The following MFSD12 variants were observed in gnomAD, a reference collection of about 807,000 sequenced individuals.
MFSD12 encodes major facilitator superfamily domain containing 12.
A neutral mutation model predicts 51.2 loss-of-function variants in MFSD12; 67 were observed. That is an observed-to-expected ratio of 1.31 (90% CI 1.08 to 1.60). The LOEUF is 1.60. Among genes scored for constraint, MFSD12 ranks in the 40% most tolerant of loss-of-function variants. MFSD12 has a pLI of 0.00. For missense variants in MFSD12, 921 were observed against 673.0 expected (o/e 1.37, Z -4.08); for synonymous variants, 441 against 316.7 (o/e 1.39, Z -4.17).
chr19:3,544,263 A>G lies in MFSD12; in HGVS notation c.*447T>C. 7.6e-7 allele frequency: 1 copy of G among 1,310,402 alleles called. No homozygotes were observed. The highest frequency in any genetic ancestry group is 3.7e-5 in the Admixed American group (1 of 27,366). The allele number at this position is 1,310,402 out of a possible 1,614,324, so 81.2% of individuals were successfully genotyped here. A position where few individuals can be genotyped will look rare whatever the true frequency, so the allele number is the denominator to read the frequency against. ...AGCCTGCCGGGCAGCCCTGCTGCCC[A>G]CCACGGTGGGGTCCAGGCCCAGCCC... On this transcript the variant is annotated 3_prime_UTR_variant, in exon 10 of 10. Coordinates refer to ENST00000355415, the MANE Select transcript of MFSD12 (RefSeq NM_174983.5).
chr19:3,543,525 G>A (rs933330145), downstream of MFSD12: 47 of 1,510,436 alleles, frequency 3.1e-5, 1 homozygote, highest in African/African-American at 4.3e-5. Context: ...AGGGGGACAG[G>A]AATGACCGCC....
In MFSD12 at chr19:3,546,404, G is replaced by C. The variant is rs1249915937; in HGVS notation, c.1045C>G (p.Leu349Val). The C allele has an allele frequency of 7.5e-6, 12 of 1,607,300 alleles. No homozygotes were observed. The highest frequency in any genetic ancestry group is 1.3e-5 in the African/African-American group (1 of 74,868). The change falls in exon 7 of 10, where the codon CTG (leucine) becomes GTG (valine). Residue 349 changes from leucine (L) to valine (V), a missense_variant. Leu to Val is a conservative substitution (Grantham distance 32, BLOSUM62 1). Coordinates refer to ENST00000355415, the MANE Select transcript of MFSD12 (RefSeq NM_174983.5). Reference protein sequence around the residue: ...GRNMTYFSGLLVILAFAAWVA... With the variant: ...GRNMTYFSGLVVILAFAAWVA... Reference sequence around the variant, plus strand: ...CAGGCGGCAAAGGCCAGGATCACCAGGAGGCCTGAGAAGTAGGTCATCTGC... The same window carrying C: ...CAGGCGGCAAAGGCCAGGATCACCACGAGGCCTGAGAAGTAGGTCATCTGC...
At chr19:3,554,487 C>A (rs534312466) in intron 1 of MFSD12, among the ~76,000 whole-genome samples, 1 of 151,718 alleles carries the variant, frequency 6.6e-6, no homozygotes, top group East Asian at 1.9e-4. Context: ...TCCTGCCTCA[C>A]AGGCTGCTGT....
Position 3,547,285 on chromosome 19 carries a change from C to T in MFSD12, c.1010G>A (p.Cys337Tyr). ...SSFLMKPINK[C>Y]IGRNMTYFSG... is the part of the protein sequence containing the mutation. ...CCGCCCACTCACGTTCCTCCCAATGCACTTGTTGATGGGCTTCATGAGGAA... is the reference window on the plus strand; with the variant it reads ...CCGCCCACTCACGTTCCTCCCAATGTACTTGTTGATGGGCTTCATGAGGAA... Residue 337 changes from cysteine (C) to tyrosine (Y), a missense_variant, in exon 6 of 10, where the codon TGC becomes TAC. By Grantham distance (194) the Cys-to-Tyr change is radical (BLOSUM62 -2). Coordinates refer to ENST00000355415, the MANE Select transcript of MFSD12 (RefSeq NM_174983.5). The T allele has an allele frequency of 6.2e-7, 1 of 1,613,106 alleles. No homozygotes were observed. Among genetic ancestry groups the T allele is most frequent in the Non-Finnish European group, 8.5e-7 (1 of 1,179,824 alleles).
rs2031021293 is a variant in MFSD12, at chr19:3,546,183, G to A, written c.1195-15C>T. The A allele has an allele frequency of 1.2e-6, 2 of 1,611,916 alleles. No individual in the cohort carries two copies. Among genetic ancestry groups the A allele is most frequent in the Non-Finnish European group, 1.7e-6 (2 of 1,179,130 alleles). On this transcript the variant is annotated splice_polypyrimidine_tract_variant and intron_variant, in intron 7 of 9. Coordinates refer to ENST00000355415, the MANE Select transcript of MFSD12 (RefSeq NM_174983.5). The stretch of plus-strand genomic sequence containing the variant: ...GCTCCGCTGTTCTGTGGAGACACAG[G>A]CGAGGTGGTCAGCGTGCACCCCGAG...
chr19:3,542,460 A>G (rs982070025), downstream of MFSD12: 4 of 985,042 alleles, frequency 4.1e-6, no homozygotes, highest in Admixed American at 1.2e-4. Flanking sequence ...CAAAGCATAA[A>G]ACATCTTTGA....
chr19:3,541,999 G>A (rs367742657), downstream of MFSD12: 53 of 436,824 alleles, frequency 1.2e-4, no homozygotes, highest in African/African-American at 8.9e-4. Context: ...TAGTAGAGAC[G>A]GGGTTTCACC....
At chr19:3,544,759 TAG>T (rs1328793027) in intron 9 of MFSD12, 27 bp from the exon 10 acceptor site, 5 of 1,600,984 alleles carry the variant, frequency 3.1e-6, no homozygotes, top group Non-Finnish European at 4.3e-6. Context: ...GAAATGGCAT[TAG>T]AGAGTGTGGG....
intron 1 of MFSD12, among the ~76,000 whole-genome samples, chr19:3,552,915 C>T (rs1183331305): frequency 6.6e-6 from 1 of 152,184 alleles, no homozygotes. Context: ...GGCTCCTTCC[C>T]TGCAGCCCTG....
At position 3,557,342 on chromosome 19, in the gene MFSD12, G is replaced by C. The variant is rs748141664; in HGVS notation, c.62C>G (p.Ala21Gly). Residue 21 changes from alanine to glycine, a missense_variant, in exon 1 of 10, where the codon GCG becomes GGG. Physicochemically the swap from Ala to Gly is moderately conservative, Grantham distance 60. Transcript: ENST00000355415. ...GTGGCCCACGGCGTAGCTCAGCCGCGCCACCAGGGACAGCGGCCGCGGGGA... is the reference window on the plus strand; with the variant it reads ...GTGGCCCACGGCGTAGCTCAGCCGCCCCACCAGGGACAGCGGCCGCGGGGA... The part of the protein sequence containing the change: ...APSPRPLSLV[A>G]RLSYAVGHFL... The C allele has an allele frequency of 6.5e-7, 1 of 1,545,826 alleles. No homozygotes were observed. Among genetic ancestry groups the C allele is most frequent in the African/African-American group, 1.4e-5 (1 of 70,236 alleles).
chr19:3,544,114 C>T (rs577880702), downstream of MFSD12: 213 of 1,419,234 alleles, frequency 1.5e-4, no homozygotes, highest in African/African-American at 4.9e-4. Flanking sequence ...ACACTGGGCT[C>T]GCTGGCCGCC....
intron 3 of MFSD12, 46 bp downstream of exon 3, chr19:3,548,077 C>G: frequency 6.2e-7 from 1 of 1,601,822 alleles, no homozygotes; most frequent in South Asian, 1.1e-5. Flanking sequence ...CCAGCCCCCG[C>G]CCCTGGCTCG....
chr19:3,542,770 A>G (rs774343730), downstream of MFSD12: 25 of 1,361,960 alleles, frequency 1.8e-5, no homozygotes, highest in Middle Eastern at 2.3e-4. Context: ...AGCGTGAGCC[A>G]CACACCTGGC....
At chr19:3,542,863 G>T (rs755366339), downstream of MFSD12, 1 of 1,388,172 alleles carries the variant, frequency 7.2e-7, no homozygotes, top group South Asian at 1.1e-5. Context: ...CCAGGCCAGG[G>T]GGGCTTCCCA....
downstream of MFSD12, chr19:3,543,975 C>T (rs374645560): frequency 1.6e-4 from 242 of 1,548,596 alleles, 3 homozygotes; most frequent in South Asian, 2.4e-3. Flanking sequence ...CACCTGCCAG[C>T]GGTCCCCGCC....
chr19:3,553,953 G>T (rs1283583826), intron 1 of MFSD12, among the ~76,000 whole-genome samples: 1 of 151,622 alleles, frequency 6.6e-6, no homozygotes, highest in South Asian at 2.1e-4. Context: ...ATGGTGGCAC[G>T]AGCCTGTAGT....
At position 3,551,512 on chromosome 19, in the gene MFSD12, C is replaced by G. The variant is rs116665738; in HGVS notation, c.299-318G>C. On this transcript the variant is annotated intron_variant, in intron 1 of 9. Coordinates refer to ENST00000355415, the MANE Select transcript of MFSD12 (RefSeq NM_174983.5). This position sits in a 1 kb window ranked among gnomAD's most constrained non-coding sequence, Gnocchi z 4.6. ...GCAGCCTCCCCCAGCTCCTCCCCCT[C>G]GGCCACTATCAAGCCTCCCATAGGG... 6.6e-6 allele frequency among the ~76,000 whole-genome samples: 1 copy of G among 152,114 alleles called. No individual in the cohort carries two copies. Among genetic ancestry groups the G allele is most frequent in the Non-Finnish European group, 1.5e-5 (1 of 67,988 alleles).
At chr19:3,546,538 C>T (rs2031071762) in intron 6 of MFSD12, 113 bp from the exon 7 acceptor site, 2 of 1,248,624 alleles carry the variant, frequency 1.6e-6, no homozygotes, top group Admixed American at 5.1e-5. Context: ...GCTGGATGGT[C>T]CCTAAGGAGC....
exon 5 of MFSD12, chr19:3,538,395 C>T (rs1019132439): frequency 7.9e-6 from 2 of 254,060 alleles, no homozygotes; most frequent in African/African-American, 4.5e-5. Context: ...AGAACATTCT[C>T]ATCACCCAGA....
Sources: gnomAD v4.1 joint callset for allele counts (sites outside exome capture counted in the v4.1 genomes callset) on GRCh38, gnomAD v4.1.1 for gene constraint, Gnocchi (gnomAD v3.1) non-coding constraint, MANE v1.5 for transcripts, NCBI Gene and HGNC (gene_info 2026-07-23, HGNC 2026-07-21) for gene names.